BAIAP2L1: variants seen among roughly 807,000 people sequenced by gnomAD.
BAIAP2L1 encodes BAR/IMD domain-containing adapter protein 2-like 1.
BAIAP2L1 carries 35 observed loss-of-function variants against 66.3 expected under a neutral mutation model. The observed-to-expected ratio is 0.53, with a 90% CI of 0.40 to 0.70. The LOEUF is 0.70. Among genes scored for constraint, BAIAP2L1 ranks in the 30% least tolerant of loss-of-function variants. The pLI is 0.00. For missense variants in BAIAP2L1, 622 were observed against 656.9 expected (o/e 0.95, Z 0.58); for synonymous variants, 269 against 248.7 (o/e 1.08, Z -0.77).
intron 12 of BAIAP2L1, among the ~76,000 whole-genome samples, chr7:98,301,429 G>A (rs1256769344): frequency 6.6e-6 from 1 of 151,358 alleles, no homozygotes; most frequent in Non-Finnish European, 1.5e-5. Context: ...AGAAATGAAA[G>A]GCTGCTAAAA....
chr7:98,384,131 G>T (rs1373678535), intron 1 of BAIAP2L1, among the ~76,000 whole-genome samples: 1 of 150,172 alleles, frequency 6.7e-6, no homozygotes, highest in Non-Finnish European at 1.5e-5. Context: ...TCCAGCCTGG[G>T]CAACAAGAGT....
chr7:98,326,134 A>C (rs1801376951), intron 3 of BAIAP2L1, among the ~76,000 whole-genome samples: 1 of 152,110 alleles, frequency 6.6e-6, no homozygotes, highest in South Asian at 2.1e-4. Flanking sequence ...ATGATAAGCT[A>C]GGTGTGGTGG....
intron 5 of BAIAP2L1, among the ~76,000 whole-genome samples, chr7:98,318,521 C>T (rs1220078348): frequency 6.6e-6 from 1 of 151,950 alleles, no homozygotes; most frequent in Non-Finnish European, 1.5e-5. Context: ...ACCTTGGATC[C>T]ACCCGCCTTG....
intron 3 of BAIAP2L1, among the ~76,000 whole-genome samples, chr7:98,352,943 A>G (rs1421185015): frequency 6.6e-6 from 1 of 152,120 alleles, no homozygotes; most frequent in African/African-American, 2.4e-5. Flanking sequence ...TTTCTTTCTG[A>G]TGCATGACAC....
At chr7:98,385,592 T>C (rs1802867735) in intron 1 of BAIAP2L1, among the ~76,000 whole-genome samples, 2 of 151,864 alleles carry the variant, frequency 1.3e-5, no homozygotes, top group Admixed American at 6.6e-5. Flanking sequence ...TTTTGTTTTT[T>C]TCGTAGACAT....
At chr7:98,362,285 C>G in intron 2 of BAIAP2L1, 72 bp downstream of exon 2, 1 of 1,203,120 alleles carries the variant, frequency 8.3e-7, no homozygotes, top group Non-Finnish European at 1.2e-6. Flanking sequence ...AAATTCAATA[C>G]TAAGCATTTA....
chr7:98,357,566 A>AG (rs1491435169), intron 2 of BAIAP2L1, among the ~76,000 whole-genome samples: 2 of 26,766 alleles, frequency 7.5e-5, no homozygotes, highest in Non-Finnish European at 1.1e-4. Flanking sequence ...ACTCAGTCTC[A>AG]AAAAAAAAAA....
chr7:98,301,661 T>C (rs1456407410), intron 12 of BAIAP2L1, among the ~76,000 whole-genome samples: 1 of 151,714 alleles, frequency 6.6e-6, no homozygotes, highest in Non-Finnish European at 1.5e-5. Context: ...CTGAAGATGA[T>C]GGTGTGTGTG....
intron 2 of BAIAP2L1, among the ~76,000 whole-genome samples, chr7:98,361,597 T>C (rs572918039): frequency 4.6e-5 from 7 of 152,264 alleles, no homozygotes; most frequent in South Asian, 2.1e-4. Flanking sequence ...TTTAAGGTGA[T>C]CACTGATGCA....
intron 1 of BAIAP2L1, among the ~76,000 whole-genome samples, chr7:98,374,363 C>G (rs1802574272): frequency 6.6e-6 from 1 of 152,172 alleles, no homozygotes; most frequent in East Asian, 1.9e-4. Flanking sequence ...CTCAACTGAT[C>G]CTAACATCGT....
intron 3 of BAIAP2L1, among the ~76,000 whole-genome samples, chr7:98,339,517 G>A (rs767908037): frequency 2.6e-5 from 4 of 152,160 alleles, no homozygotes; most frequent in Non-Finnish European, 5.9e-5. Context: ...CTGCACTAAC[G>A]AAGACTCTAA....
At position 98,293,245 on chromosome 7, in the gene BAIAP2L1, A is replaced by G. The variant is rs1452282595; in HGVS notation, c.*276T>C. 3 of 369,192 alleles carry G rather than the reference A, an allele frequency of 8.1e-6. No individual in the cohort carries two copies. Among genetic ancestry groups the G allele is most frequent in the Non-Finnish European group, 1.5e-5 (3 of 204,904 alleles). 22.9% of individuals were successfully genotyped at this position (369,192 alleles called of 1,614,324 possible). On this transcript the variant is annotated 3_prime_UTR_variant, in exon 14 of 14. Coordinates refer to ENST00000005260, the MANE Select transcript of BAIAP2L1 (RefSeq NM_018842.5). ...AAAAATTCATTTAAAAAATACAGTAAAGATTGAAACCAAGTTTACTGTTTC... is the reference window on the plus strand; with the variant it reads ...AAAAATTCATTTAAAAAATACAGTAGAGATTGAAACCAAGTTTACTGTTTC...
Position 98,310,329 on chromosome 7 carries a change from T to C in BAIAP2L1, c.955+116A>G. 3.4e-6 allele frequency: 4 copies of C among 1,179,968 alleles called. No homozygotes were observed. The South Asian group carries it at 4.5e-5, about 13-fold the overall frequency. 73.1% of individuals were successfully genotyped at this position (1,179,968 alleles called of 1,614,324 possible). A position where few individuals can be genotyped will look rare whatever the true frequency, so the allele number is the denominator to read the frequency against. On this transcript the variant is annotated intron_variant, in intron 9 of 13. Transcript: ENST00000005260. ...AAGCCAGGGCTGAATGTATCTACCA[T>C]ACCTGCTTGTTTACCTCCAAACCTT...
At chr7:98,320,464 T>C (rs1458724884) in intron 3 of BAIAP2L1, among the ~76,000 whole-genome samples, 166 bp from the exon 4 acceptor site, 4 of 152,126 alleles carry the variant, frequency 2.6e-5, no homozygotes, top group African/African-American at 7.2e-5. Context: ...GCCTCCCAAA[T>C]AGCTGGATTA....
intron 8 of BAIAP2L1, among the ~76,000 whole-genome samples, chr7:98,311,304 G>C (rs1355897566): frequency 6.6e-6 from 1 of 152,080 alleles, no homozygotes; most frequent in Non-Finnish European, 1.5e-5. Context: ...AGCACTTTGG[G>C]AGGCCGAGGT....
intron 1 of BAIAP2L1, among the ~76,000 whole-genome samples, chr7:98,382,309 G>A (rs566704786): frequency 6.6e-6 from 1 of 152,218 alleles, no homozygotes; most frequent in South Asian, 2.1e-4. Flanking sequence ...ATCTGAGAAG[G>A]TAACTTGAAG....
intron 1 of BAIAP2L1, among the ~76,000 whole-genome samples, chr7:98,388,672 C>T (rs1252114756): frequency 6.6e-6 from 1 of 152,118 alleles, no homozygotes; most frequent in Non-Finnish European, 1.5e-5. Flanking sequence ...ACCATTTAGT[C>T]CATTAAATAA....
chr7:98,338,295 G>A (rs570081398), intron 3 of BAIAP2L1, among the ~76,000 whole-genome samples: 5 of 151,988 alleles, frequency 3.3e-5, no homozygotes, highest in South Asian at 4.2e-4. Flanking sequence ...GGTGGCGGGC[G>A]CCTGTGGTCC....
rs1002541151 is a variant in BAIAP2L1, at chr7:98,304,222, C to T, written c.1396G>A (p.Ala466Thr). ...ARTTSTFKAP[A>T]SKPETAAPND... ...GGAGCCGCGGTCTCGGGCTTGGACG[C>T]TGGGGCCTTAAAGGTGGATGTCGTC... The change falls in exon 12 of 14, where the codon GCG becomes ACG. Residue 466 changes from alanine (A) to threonine (T), a missense_variant. Coordinates refer to ENST00000005260, the MANE Select transcript of BAIAP2L1 (RefSeq NM_018842.5). 3.1e-6 allele frequency: 5 copies of T among 1,609,410 alleles called. No individual in the cohort carries two copies. Among genetic ancestry groups the T allele is most frequent in the Non-Finnish European group, 3.4e-6 (4 of 1,177,738 alleles).
Sources: allele counts gnomAD v4.1 joint callset (sites outside exome capture counted in the v4.1 genomes callset), GRCh38; gene constraint gnomAD v4.1.1; transcripts MANE v1.5; gene names NCBI Gene and HGNC (gene_info 2026-07-23, HGNC 2026-07-21).